PCDHGB3: variants seen among roughly 807,000 people sequenced by gnomAD.
PCDHGB3 encodes protocadherin gamma subfamily B, 3, also known as protocadherin gamma-B3.
In PCDHGB3, 40 loss-of-function variants were observed where a neutral mutation model predicts 59.2. The ratio of observed to expected loss-of-function variants is 0.68; its 90% CI spans 0.52 to 0.88. The LOEUF is 0.88. Among genes scored for constraint, PCDHGB3 ranks in the 40% least tolerant of loss-of-function variants. The pLI is 0.00. For missense variants in PCDHGB3, 1,309 were observed against 1,187.9 expected (o/e 1.10, Z -1.50); for synonymous variants, 581 against 503.6 (o/e 1.15, Z -2.06).
rs1382364867 is a variant in PCDHGB3, at chr5:141,374,132, C to A, written c.2415+1323C>A. 2.5e-6 allele frequency: 4 copies of A among 1,605,166 alleles called. No homozygotes were observed. The highest frequency in any genetic ancestry group is 3.4e-6 in the Non-Finnish European group (4 of 1,174,350). On this transcript the variant is annotated intron_variant, in intron 1 of 3. Transcript: ENST00000576222. ...GCAGCGCAGCGAGCAGGTCCTGCTC[C>A]TCACGCTCCTGGGGACGCTGTGGGG...
In PCDHGB3 at chr5:141,451,946, G is replaced by A. The variant is rs146934262; in HGVS notation, c.2416-42861G>A. On this transcript the variant is annotated intron_variant, in intron 1 of 3. Coordinates refer to ENST00000576222, the MANE Select transcript of PCDHGB3 (RefSeq NM_018924.5). ...GGAGGTAGGGAGGCAGGGAAAGACC[G>A]AGAAAGTGACATACCATCATTTTTG... Among the ~76,000 whole-genome samples, 240 of 152,218 alleles carry A rather than the reference G, an allele frequency of 1.6e-3. 1 individual carries two copies. Among genetic ancestry groups the A allele is most frequent in the Non-Finnish European group, 2.9e-3 (195 of 68,026 alleles).
rs1224625072 is a variant in PCDHGB3, at chr5:141,490,972, C to T, written c.2416-3835C>T. ...AGACTGGGAACACTCAGCCCCCCAG[C>T]GTCTCCCTCGCTCTGCTCCTCCTGG... On this transcript the variant is annotated intron_variant, in intron 1 of 3. Transcript: ENST00000576222. This position sits in a 1 kb window ranked among gnomAD's most constrained non-coding sequence, Gnocchi z 5.4. The T allele has an allele frequency of 1.2e-5, 20 of 1,613,912 alleles. No individual in the cohort carries two copies. Among genetic ancestry groups the T allele is most frequent in the East Asian group, 4.5e-5 (2 of 44,882 alleles).
intron 1 of PCDHGB3, chr5:141,414,732 T>G: frequency 6.2e-7 from 1 of 1,614,186 alleles, no homozygotes; most frequent in Non-Finnish European, 8.5e-7. Context: ...GCGTCCTGTA[T>G]GCACTCAGAT....
intron 1 of PCDHGB3, chr5:141,414,493 GCT>G: frequency 6.2e-7 from 1 of 1,613,950 alleles, no homozygotes; most frequent in Non-Finnish European, 8.5e-7. Context: ...ATCAACGGAA[GCT>G]CACTTTATGC....
chr5:141,375,190 T>C, intron 1 of PCDHGB3: 1 of 1,613,964 alleles, frequency 6.2e-7, no homozygotes, highest in South Asian at 1.1e-5. Context: ...TCGCCCTTTT[T>C]CAAGTGTTCG....
rs2099696598 is a variant in PCDHGB3, at chr5:141,490,144, A to C, written c.2416-4663A>C. The C allele has an allele frequency of 2.5e-6, 4 of 1,614,214 alleles. No homozygotes were observed. In the East Asian group the frequency reaches 6.7e-5, roughly 27 times the overall value. ...TGGCCTAGACCCTAGCAGTGGGGCA[A>C]TCCATGTGTTGGGTCCCATAGACTT... On this transcript the variant is annotated intron_variant, in intron 1 of 3. Transcript: ENST00000576222. The surrounding 1 kb of genome is among the most constrained non-coding windows in gnomAD (Gnocchi z 5.4).
chr5:141,486,401 G>T lies in PCDHGB3; in HGVS notation c.2416-8406G>T. 6.2e-7 allele frequency: 1 copy of T among 1,614,174 alleles called. No individual in the cohort carries two copies. On this transcript the variant is annotated intron_variant, in intron 1 of 3. Transcript: ENST00000576222. The surrounding 1 kb of genome is among the most constrained non-coding windows in gnomAD (Gnocchi z 5.0). ...CAGGAACCAGTTCTCCCTGGTGACT[G>T]CTGGACCCTTGGATCGAGAGGCCAA...
chr5:141,371,576 C>T lies in PCDHGB3; in HGVS notation c.1182C>T (p.Ile394=). The part of the protein sequence containing the change: ...CQLKGNFPFK[I]VQDTKNTYRL... Reference sequence around the variant, plus strand: ...TAAAAGGAAACTTCCCCTTTAAAATCGTTCAAGATACCAAAAACACATACA... The same window carrying T: ...TAAAAGGAAACTTCCCCTTTAAAATTGTTCAAGATACCAAAAACACATACA... Residue 394 remains isoleucine, a synonymous_variant, in exon 1 of 4, where the codon ATC becomes ATT. Coordinates refer to ENST00000576222, the MANE Select transcript of PCDHGB3 (RefSeq NM_018924.5). 2 of 1,613,882 alleles carry T rather than the reference C, an allele frequency of 1.2e-6. No homozygotes were observed. The highest frequency in any genetic ancestry group is 1.7e-6 in the Non-Finnish European group (2 of 1,179,828).
chr5:141,373,525 A>G (rs1404075299), intron 1 of PCDHGB3, among the ~76,000 whole-genome samples: 1 of 152,222 alleles, frequency 6.6e-6, no homozygotes, highest in Non-Finnish European at 1.5e-5. Flanking sequence ...TTTGTCTCCA[A>G]AAAAGTGTTT....
At chr5:141,417,699 C>A (rs2096148616) in intron 1 of PCDHGB3, 1 of 1,164,548 alleles carries the variant, frequency 8.6e-7, no homozygotes, top group Non-Finnish European at 1.2e-6. Context: ...AACCAGCTCC[C>A]ACACAGAGGC....
intron 1 of PCDHGB3, chr5:141,384,761 TG>T (rs747704737): frequency 9.3e-6 from 15 of 1,613,968 alleles, no homozygotes; most frequent in Non-Finnish European, 1.3e-5. Flanking sequence ...GCGGTTGGGC[TG>T]TACACGGGCG....
intron 2 of PCDHGB3, among the ~76,000 whole-genome samples, chr5:141,501,907 G>T (rs4912761): frequency 0.59 from 89,145 of 151,782 alleles, 27,774 homozygotes; most frequent in African/African-American, 0.8. Context: ...CAACCCCACT[G>T]TTCCACTCAG....
Position 141,489,147 on chromosome 5 carries a change from A to G in PCDHGB3, c.2416-5660A>G. On this transcript the variant is annotated intron_variant, in intron 1 of 3. Coordinates refer to ENST00000576222, the MANE Select transcript of PCDHGB3 (RefSeq NM_018924.5). The surrounding 1 kb of genome is among the most constrained non-coding windows in gnomAD (Gnocchi z 4.5). ...GCAGTTTTTAAGAGGCTGGAAGGAG[A>G]CATAAGAGACTTCAGCTGCTGCATT... The G allele has an allele frequency of 1.2e-6, 1 of 802,676 alleles. No homozygotes were observed. Among genetic ancestry groups the G allele is most frequent in the Non-Finnish European group, 1.9e-6 (1 of 528,868 alleles). 49.7% of individuals were successfully genotyped at this position (802,676 alleles called of 1,614,324 possible). A position where few individuals can be genotyped will look rare whatever the true frequency, so the allele number is the denominator to read the frequency against.
At chr5:141,428,230 C>A in intron 1 of PCDHGB3, 1 of 1,073,982 alleles carries the variant, frequency 9.3e-7, no homozygotes, top group Non-Finnish European at 1.4e-6. Flanking sequence ...CGCAGACAGC[C>A]TGCAGGAGGC....
intron 1 of PCDHGB3, chr5:141,390,094 T>G: frequency 1.2e-6 from 2 of 1,614,048 alleles, no homozygotes; most frequent in Non-Finnish European, 1.7e-6. Flanking sequence ...GAATCCGTGG[T>G]TCCCCCCAAC....
intron 1 of PCDHGB3, among the ~76,000 whole-genome samples, chr5:141,472,725 C>T (rs1250092748): frequency 6.6e-6 from 1 of 152,022 alleles, no homozygotes; most frequent in Non-Finnish European, 1.5e-5. Flanking sequence ...GTGGCTCACA[C>T]CTGTAATCCC....
At chr5:141,437,047 G>C (rs2097860477) in intron 1 of PCDHGB3, among the ~76,000 whole-genome samples, 1 of 152,214 alleles carries the variant, frequency 6.6e-6, no homozygotes, top group Admixed American at 6.5e-5. Context: ...AAACCAGAAG[G>C]CTGGTGATCA....
rs73794918 is a variant in PCDHGB3, at chr5:141,443,711, A to G, written c.2416-51096A>G. On this transcript the variant is annotated intron_variant, in intron 1 of 3. Coordinates refer to ENST00000576222, the MANE Select transcript of PCDHGB3 (RefSeq NM_018924.5). ...TCAAAAATTATAGAATAACATTTGC[A>G]TATAAAATTCCTCATACATTTCCCT... 9.8e-3 allele frequency among the ~76,000 whole-genome samples: 1,497 copies of G among 152,340 alleles called. 25 individuals are homozygous for G. Among genetic ancestry groups the G allele is most frequent in the African/African-American group, 0.033 (1,382 of 41,580 alleles).
intron 2 of PCDHGB3, among the ~76,000 whole-genome samples, chr5:141,501,136 G>A (rs909142955): frequency 6.6e-6 from 1 of 152,090 alleles, no homozygotes; most frequent in Non-Finnish European, 1.5e-5. Context: ...CTAAGTGCTG[G>A]GATTACAGGT....
Sources: allele counts gnomAD v4.1 joint callset (sites outside exome capture counted in the v4.1 genomes callset), GRCh38; gene constraint gnomAD v4.1.1; non-coding constraint Gnocchi (gnomAD v3.1); transcripts MANE v1.5; gene names NCBI Gene and HGNC (gene_info 2026-07-23, HGNC 2026-07-21).